The following FREM3 variants were observed in gnomAD, a reference collection of about 807,000 sequenced individuals.
The protein encoded by FREM3 is FRAS1-related extracellular matrix protein 3.
Under a neutral mutation model 129.1 loss-of-function variants are expected in FREM3, and 105 were observed. That is an observed-to-expected ratio of 0.81 (90% CI 0.69 to 0.96). FREM3 has a LOEUF of 0.96. Among genes scored for constraint, FREM3 ranks in the 40% least tolerant of loss-of-function variants. The pLI is 0.00. For missense variants in FREM3, 2,593 were observed against 2,666.3 expected, an observed-to-expected ratio of 0.97 and a Z score of 0.61; for synonymous variants, 1,014 against 1,044.9, an observed-to-expected ratio of 0.97 and a Z score of 0.57.
intron 2 of FREM3, among the ~76,000 whole-genome samples, chr4:143,677,558 T>G (rs1740163091): frequency 6.6e-6 from 1 of 152,124 alleles, no homozygotes; most frequent in African/African-American, 2.4e-5. Flanking sequence ...CTAATTAAAC[T>G]AAAGAGCTTC....
At chr4:143,624,364 A>G (rs751421407) in intron 3 of FREM3, 26 bp from the exon 4 acceptor site, 1 of 1,399,610 alleles carries the variant, frequency 7.1e-7, no homozygotes, top group South Asian at 1.2e-5. Flanking sequence ...AAAACTATAA[A>G]TATAAAGCCA....
intron 2 of FREM3, among the ~76,000 whole-genome samples, chr4:143,673,960 G>C (rs1740055160): frequency 6.6e-6 from 1 of 152,232 alleles, no homozygotes; most frequent in Non-Finnish European, 1.5e-5. Flanking sequence ...ATTAGGGTGG[G>C]AGTGACCCGA....
intron 2 of FREM3, among the ~76,000 whole-genome samples, chr4:143,691,283 C>T (rs927456503): frequency 5.3e-5 from 8 of 152,092 alleles, no homozygotes; most frequent in African/African-American, 9.7e-5. Context: ...CTTTTGTCCA[C>T]GGCTTCAGCT....
intron 3 of FREM3, among the ~76,000 whole-genome samples, chr4:143,626,924 G>T (rs774732313): frequency 3.9e-5 from 6 of 152,094 alleles, no homozygotes; most frequent in Non-Finnish European, 8.8e-5. Flanking sequence ...AACCCTATCT[G>T]TCTTCTTAAT....
At chr4:143,595,277 C>T (rs970904783) in intron 6 of FREM3, among the ~76,000 whole-genome samples, 1 of 152,172 alleles carries the variant, frequency 6.6e-6, no homozygotes, top group African/African-American at 2.4e-5. Context: ...TAGGCTTAAT[C>T]TTTAGAACAA....
At chr4:143,652,695 T>C (rs1739534162) in intron 2 of FREM3, among the ~76,000 whole-genome samples, 1 of 152,226 alleles carries the variant, frequency 6.6e-6, no homozygotes, top group African/African-American at 2.4e-5. Flanking sequence ...TACAGTGCGA[T>C]CTCAGCTCAC....
At chr4:143,671,541 A>G (rs1421968730) in intron 2 of FREM3, among the ~76,000 whole-genome samples, 1 of 152,190 alleles carries the variant, frequency 6.6e-6, no homozygotes, top group Non-Finnish European at 1.5e-5. Context: ...GAATAGGACT[A>G]CAGATGGGGG....
intron 6 of FREM3, among the ~76,000 whole-genome samples, chr4:143,610,822 G>T (rs763019475): frequency 6.6e-6 from 1 of 152,090 alleles, no homozygotes; most frequent in South Asian, 2.1e-4. Flanking sequence ...GGAGGCAAAC[G>T]CCCTGCTAGG....
At chr4:143,583,047 A>T (rs1232886310) in intron 7 of FREM3, among the ~76,000 whole-genome samples, 1 of 151,700 alleles carries the variant, frequency 6.6e-6, no homozygotes, top group Non-Finnish European at 1.5e-5. Context: ...TGCCGGGCTA[A>T]TTTTTTTGTA....
At chr4:143,595,690 A>G (rs1440696947) in intron 6 of FREM3, among the ~76,000 whole-genome samples, 3 of 152,100 alleles carry the variant, frequency 2.0e-5, no homozygotes, top group Admixed American at 2.0e-4. Context: ...GATCAAGACC[A>G]TCCTGGCTAA....
chr4:143,655,476 A>G (rs981524003), intron 2 of FREM3, among the ~76,000 whole-genome samples: 5 of 152,196 alleles, frequency 3.3e-5, no homozygotes, highest in African/African-American at 1.2e-4. Context: ...AGAATGTTTT[A>G]CACCTAGAGA....
At chr4:143,604,528 T>C (rs1156262693) in intron 6 of FREM3, among the ~76,000 whole-genome samples, 1 of 152,084 alleles carries the variant, frequency 6.6e-6, no homozygotes, top group Non-Finnish European at 1.5e-5. Flanking sequence ...ACTAATAAAA[T>C]ACTTAAAAGT....
At position 143,664,123 on chromosome 4, in the gene FREM3, G is replaced by C. The variant is rs530770028; in HGVS notation, c.5275+28990C>G. Among the ~76,000 whole-genome samples the C allele has an allele frequency of 2.6e-5, 4 of 152,200 alleles. No homozygotes were observed. In the East Asian group the frequency reaches 5.8e-4, roughly 22 times the overall value. ...CTCCGTCCCGCTTTGTTCCGTTGCT[G>C]GTGAGGAACTGCATTCCTTTGGAGG... On this transcript the variant is annotated intron_variant, in intron 2 of 7. Coordinates refer to ENST00000329798, the MANE Select transcript of FREM3 (RefSeq NM_001168235.2).
chr4:143,633,653 T>A (rs890407769), intron 2 of FREM3, among the ~76,000 whole-genome samples: 1 of 152,184 alleles, frequency 6.6e-6, no homozygotes, highest in Non-Finnish European at 1.5e-5. Flanking sequence ...TAAAGCTATA[T>A]TAATATTGAT....
chr4:143,676,665 C>G (rs1287733276), intron 2 of FREM3, among the ~76,000 whole-genome samples: 4 of 152,168 alleles, frequency 2.6e-5, no homozygotes, highest in Admixed American at 6.5e-5. Flanking sequence ...CCCAAAATCT[C>G]CTTAAGCTGA....
chr4:143,659,032 CTT>C (rs34378952), intron 2 of FREM3, among the ~76,000 whole-genome samples: 208 of 139,442 alleles, frequency 1.5e-3, no homozygotes, highest in Middle Eastern at 7.4e-3. Flanking sequence ...AGGTTATTTT[CTT>C]TTTTTTTTTT....
chr4:143,584,385 C>T (rs1206991602), intron 7 of FREM3, among the ~76,000 whole-genome samples: 16 of 141,830 alleles, frequency 1.1e-4, no homozygotes, highest in African/African-American at 3.4e-4. Flanking sequence ...GTCCGCAGTC[C>T]GGCCTGGGCG....
intron 5 of FREM3, among the ~76,000 whole-genome samples, chr4:143,615,996 A>C (rs1738838019): frequency 6.6e-6 from 1 of 152,206 alleles, no homozygotes; most frequent in Non-Finnish European, 1.5e-5. Flanking sequence ...TGAATCCTGG[A>C]GTAAGCAAAG....
rs763792383 is a variant in FREM3 at position 143,700,462 on chromosome 4, G to A, written c.214C>T (p.Pro72Ser). Reference sequence around the variant, plus strand: ...TCGAGCCAAAGGGAACGACCCAGGGGCACCCGGAGTCCAGGGTTGGCAATC... The same window carrying A: ...TCGAGCCAAAGGGAACGACCCAGGGACACCCGGAGTCCAGGGTTGGCAATC... ...VLIANPGLRVPLGRSLWLDPL... is the reference protein window; with the variant it reads ...VLIANPGLRVSLGRSLWLDPL... The change falls in exon 1 of 8, where the codon CCC becomes TCC. Residue 72 changes from proline to serine, a missense_variant. Physicochemically the swap from Pro to Ser is moderately conservative, Grantham distance 74. Transcript: ENST00000329798. 2.6e-6 allele frequency: 4 copies of A among 1,516,134 alleles called. No homozygotes were observed. Among genetic ancestry groups the A allele is most frequent in the Non-Finnish European group, 3.5e-6 (4 of 1,135,346 alleles). The allele number at this position is 1,516,134 out of a possible 1,614,324, so 93.9% of individuals were successfully genotyped here.
Sources: allele counts gnomAD v4.1 joint callset (sites outside exome capture counted in the v4.1 genomes callset), GRCh38; gene constraint gnomAD v4.1.1; transcripts MANE v1.5; gene names NCBI Gene and HGNC (gene_info 2026-07-23, HGNC 2026-07-21).